The following LHFPL3 variants were observed in gnomAD, a reference collection of about 807,000 sequenced individuals.
The protein encoded by LHFPL3 is LHFPL tetraspan subfamily member 3.
LHFPL3 carries 5 observed loss-of-function variants against 19.3 expected under a neutral mutation model. That is an observed-to-expected ratio of 0.26 (90% CI 0.14 to 0.54). The LOEUF is 0.54. Among genes scored for constraint, LHFPL3 ranks in the 20% least tolerant of loss-of-function variants. The pLI is 0.94. For missense variants in LHFPL3, 249 were observed against 307.4 expected (o/e 0.81, Z 1.42); for synonymous variants, 133 against 126.2 (o/e 1.05, Z -0.36).
rs546402524 is a variant in LHFPL3 at position 104,448,643 on chromosome 7, C to T, written c.445+119419C>T. ...TACTATATGAAAACTGTACAATGTT[C>T]TATTTCAATGTAAAAATCACTTAGT... On this transcript the variant is annotated intron_variant, in intron 1 of 2. Transcript: ENST00000424859. 2.5e-4 allele frequency among the ~76,000 whole-genome samples: 38 copies of T among 152,260 alleles called. No individual in the cohort carries two copies. In the South Asian group the frequency reaches 6.8e-3, roughly 27 times the overall value.
At chr7:104,845,796 C>T (rs1219617967) in intron 2 of LHFPL3, among the ~76,000 whole-genome samples, 2 of 152,216 alleles carry the variant, frequency 1.3e-5, no homozygotes, top group South Asian at 2.1e-4. Context: ...GTGTGAACCA[C>T]GCATGTGGGC....
intron 1 of LHFPL3, among the ~76,000 whole-genome samples, chr7:104,675,389 T>C (rs750248471): frequency 1.3e-5 from 2 of 152,150 alleles, no homozygotes; most frequent in Non-Finnish European, 2.9e-5. Context: ...AGGACTTCCT[T>C]TGGCCTTCGC....
intron 2 of LHFPL3, among the ~76,000 whole-genome samples, chr7:104,887,337 T>A (rs902364968): frequency 3.9e-5 from 6 of 152,144 alleles, no homozygotes; most frequent in Admixed American, 1.3e-4. Flanking sequence ...TACGTAGAGA[T>A]CCCAGAAGAC....
At chr7:104,369,604 A>G (rs775151218) in intron 1 of LHFPL3, among the ~76,000 whole-genome samples, 2 of 152,316 alleles carry the variant, frequency 1.3e-5, no homozygotes, top group Admixed American at 6.5e-5. Context: ...AGAAACTCCT[A>G]AACTATTTTC....
At chr7:104,527,888 A>C (rs937384361) in intron 1 of LHFPL3, among the ~76,000 whole-genome samples, 1 of 152,192 alleles carries the variant, frequency 6.6e-6, no homozygotes, top group African/African-American at 2.4e-5. Flanking sequence ...AAATCAAAAC[A>C]CTGTAACAAG....
At chr7:104,798,825 A>T (rs1366707282) in intron 2 of LHFPL3, among the ~76,000 whole-genome samples, 1 of 152,174 alleles carries the variant, frequency 6.6e-6, no homozygotes, top group Admixed American at 6.5e-5. Context: ...GAACATTTTT[A>T]AAACTACCTC....
intron 2 of LHFPL3, among the ~76,000 whole-genome samples, chr7:104,842,595 C>T (rs935411754): frequency 9.9e-5 from 15 of 152,134 alleles, no homozygotes; most frequent in African/African-American, 3.4e-4. Context: ...ACACAAAAAG[C>T]GTAACTGCCT....
At chr7:104,723,408 C>T (rs775501132) in intron 1 of LHFPL3, among the ~76,000 whole-genome samples, 3 of 152,116 alleles carry the variant, frequency 2.0e-5, no homozygotes, top group Non-Finnish European at 4.4e-5. Context: ...TGTGAGCTCT[C>T]GTTTCTCTTT....
At chr7:104,697,332 C>A (rs993661007) in intron 1 of LHFPL3, among the ~76,000 whole-genome samples, 2 of 152,164 alleles carry the variant, frequency 1.3e-5, no homozygotes, top group Admixed American at 6.5e-5. Flanking sequence ...TTAAACAATG[C>A]AAGTGCTTTA....
At chr7:104,487,135 G>A (rs987939515) in intron 1 of LHFPL3, among the ~76,000 whole-genome samples, 1 of 151,424 alleles carries the variant, frequency 6.6e-6, no homozygotes, top group East Asian at 1.9e-4. Flanking sequence ...CATTTTTCTT[G>A]GAAAATGTGA....
chr7:104,421,374 C>CT (rs1791729628), intron 1 of LHFPL3, among the ~76,000 whole-genome samples: 1 of 151,972 alleles, frequency 6.6e-6, no homozygotes, highest in Non-Finnish European at 1.5e-5. Flanking sequence ...TGTGGCAGGA[C>CT]AAACCTCAAC....
intron 1 of LHFPL3, among the ~76,000 whole-genome samples, chr7:104,394,644 C>T (rs1012980224): frequency 6.6e-6 from 1 of 151,544 alleles, no homozygotes; most frequent in African/African-American, 2.4e-5. Flanking sequence ...CCTTTTTAAA[C>T]ATTCTGGTTA....
chr7:104,329,951 G>T (rs1247281337), intron 1 of LHFPL3, among the ~76,000 whole-genome samples: 4 of 152,204 alleles, frequency 2.6e-5, no homozygotes, highest in Admixed American at 6.5e-5. Context: ...GATTCCTCAA[G>T]ATCTCATTTT....
intron 1 of LHFPL3, among the ~76,000 whole-genome samples, chr7:104,345,881 C>T (rs1487509313): frequency 6.6e-6 from 1 of 152,172 alleles, no homozygotes; most frequent in South Asian, 2.1e-4. Context: ...AACTCTTTAC[C>T]ACTAGTGGTC....
rs374549141 is a variant in LHFPL3, at chr7:104,666,676, T to C, written c.446-69999T>C. 1.9e-3 allele frequency among the ~76,000 whole-genome samples: 281 copies of C among 149,764 alleles called. 1 individual carries two copies. The highest frequency in any genetic ancestry group is 6.7e-3 in the African/African-American group (275 of 40,906). The stretch of plus-strand genomic sequence containing the variant: ...AGCTGGGACTACAGGCGCCCGCCAC[T>C]ACGCCCGGCTAATTTTTTGTATTTT... On this transcript the variant is annotated intron_variant, in intron 1 of 2. Transcript: ENST00000424859.
chr7:104,878,175 C>T (rs1407766863), intron 2 of LHFPL3, among the ~76,000 whole-genome samples: 1 of 152,074 alleles, frequency 6.6e-6, no homozygotes, highest in Non-Finnish European at 1.5e-5. Context: ...ATGGAAACAG[C>T]CAAATGTCTA....
chr7:104,850,506 C>T (rs147509622), intron 2 of LHFPL3, among the ~76,000 whole-genome samples: 1 of 152,246 alleles, frequency 6.6e-6, no homozygotes, highest in African/African-American at 2.4e-5. Flanking sequence ...ACCTCCTAGA[C>T]AGACAGAAAA....
chr7:104,851,819 A>T (rs966760044), intron 2 of LHFPL3, among the ~76,000 whole-genome samples: 2 of 152,122 alleles, frequency 1.3e-5, no homozygotes, highest in African/African-American at 4.8e-5. Context: ...CCGTGACCTA[A>T]GATCCACATT....
At chr7:104,838,249 A>C (rs1218441137) in intron 2 of LHFPL3, among the ~76,000 whole-genome samples, 3 of 152,084 alleles carry the variant, frequency 2.0e-5, no homozygotes, top group Non-Finnish European at 4.4e-5. Context: ...AACTAATTCT[A>C]ATCTATCTGG....
Sources: allele counts gnomAD v4.1 joint callset (sites outside exome capture counted in the v4.1 genomes callset), GRCh38; gene constraint gnomAD v4.1.1; transcripts MANE v1.5; gene names NCBI Gene and HGNC (gene_info 2026-07-23, HGNC 2026-07-21).